Variants in FGD4 observed in about 807,000 individuals in gnomAD.
The protein encoded by FGD4 is FYVE, RhoGEF and PH domain containing 4.
Under a neutral mutation model 102.0 loss-of-function variants are expected in FGD4, and 42 were observed. The observed-to-expected ratio is 0.41, with a 90% CI of 0.32 to 0.53. The LOEUF (loss-of-function observed/expected upper bound fraction) is 0.53. Among genes scored for constraint, FGD4 ranks in the 20% least tolerant of loss-of-function variants. The pLI, the probability that FGD4 is intolerant of heterozygous loss-of-function variation, is 0.21. For missense variants in FGD4, 902 were observed against 1,078.2 expected, an observed-to-expected ratio of 0.84 and a Z score of 2.29; for synonymous variants, 380 against 375.7, an observed-to-expected ratio of 1.01 and a Z score of -0.13.
At chr12:32,575,884 A>G (rs906296712) in intron 2 of FGD4, among the ~76,000 whole-genome samples, 3 of 152,222 alleles carry the variant, frequency 2.0e-5, no homozygotes, top group African/African-American at 7.2e-5. Flanking sequence ...CCTGTTTTGT[A>G]GCAGACAATG....
intron 10 of FGD4, among the ~76,000 whole-genome samples, chr12:32,616,583 T>C (rs1198254140): frequency 6.6e-6 from 1 of 152,254 alleles, no homozygotes; most frequent in African/African-American, 2.4e-5. Flanking sequence ...CTTGTTCTTT[T>C]ACTTGTAGAA....
At chr12:32,564,115 C>T in intron 1 of FGD4, 22 bp from the exon 2 acceptor site, 3 of 1,532,564 alleles carry the variant, frequency 2.0e-6, no homozygotes, top group Non-Finnish European at 2.6e-6. Context: ...CTTACCTGCC[C>T]TTTCTTTCTG....
intron 1 of FGD4, among the ~76,000 whole-genome samples, chr12:32,507,879 G>A (rs889222833): frequency 6.6e-6 from 1 of 152,212 alleles, no homozygotes; most frequent in Admixed American, 6.5e-5. Context: ...AGGGGCATCA[G>A]TAATAATCCC....
chr12:32,473,868 A>C (rs1461483487), intron 1 of FGD4, among the ~76,000 whole-genome samples: 1 of 151,974 alleles, frequency 6.6e-6, no homozygotes, highest in Admixed American at 6.6e-5. Context: ...CGGGCAGATA[A>C]CGAGGTCAGG....
intron 1 of FGD4, among the ~76,000 whole-genome samples, chr12:32,504,940 A>T (rs1384633875): frequency 6.6e-6 from 1 of 152,172 alleles, no homozygotes; most frequent in African/African-American, 2.4e-5. Flanking sequence ...TTTTCATACT[A>T]TGTTTTGTGG....
intron 3 of FGD4, 158 bp from the exon 4 acceptor site, chr12:32,581,802 G>T: frequency 2.7e-6 from 2 of 731,666 alleles, no homozygotes; most frequent in Non-Finnish European, 4.4e-6. Context: ...CAAGAGACTT[G>T]GGTCTACACT....
At position 32,415,414 on chromosome 12, in the gene FGD4, CTTTTTTTTTTTT is replaced by C. The variant is rs34612851; in HGVS notation, c.166+15470_166+15481del. Reference sequence around the variant, plus strand: ...TATTACTGTATTGGGATCTGTCTCTCTTTTTTTTTTTTTTTTTTTTTTTTTTGAGACAGAGTC... The same window carrying C: ...TATTACTGTATTGGGATCTGTCTCTCTTTTTTTTTTTTTTGAGACAGAGTC... On this transcript the variant is annotated intron_variant, in intron 1 of 16. Coordinates refer to ENST00000534526, the MANE Select transcript of FGD4 (RefSeq NM_001370298.3). Among the ~76,000 whole-genome samples the C allele has an allele frequency of 6.7e-5, 6 of 89,610 alleles. No homozygotes were observed. The Admixed American group carries it at 6.8e-4, about 10-fold the overall frequency. The allele number at this position is 89,610 out of a possible 152,430, so 58.8% of individuals were successfully genotyped here. A position where few individuals can be genotyped will look rare whatever the true frequency, so the allele number is the denominator to read the frequency against.
In FGD4 at chr12:32,459,385, G is replaced by C. The variant is rs148985607; in HGVS notation, c.166+59426G>C. On this transcript the variant is annotated intron_variant, in intron 1 of 16. Transcript: ENST00000534526. ...ATTTTTGTATTTTTAGTAGAGATGG[G>C]GTCTTGCCATGTTGGCCAGGCTGGT... Among the ~76,000 whole-genome samples, 926 of 151,916 alleles carry C rather than the reference G, an allele frequency of 6.1e-3. 8 individuals are homozygous for C. Among genetic ancestry groups the C allele is most frequent in the African/African-American group, 0.021 (855 of 41,422 alleles).
At chr12:32,591,006 A>G (rs1947429175) in intron 4 of FGD4, among the ~76,000 whole-genome samples, 1 of 152,216 alleles carries the variant, frequency 6.6e-6, no homozygotes, top group Admixed American at 6.5e-5. Flanking sequence ...GTTTGTGACA[A>G]GACATATAAA....
intron 4 of FGD4, among the ~76,000 whole-genome samples, chr12:32,585,910 G>A (rs1398170833): frequency 6.6e-6 from 1 of 151,814 alleles, no homozygotes; most frequent in East Asian, 1.9e-4. Context: ...CTAGTTGAGG[G>A]CCAGGCTGCT....
chr12:32,629,367 T>TA (rs1565927461), intron 14 of FGD4, among the ~76,000 whole-genome samples: 1 of 152,140 alleles, frequency 6.6e-6, no homozygotes, highest in Non-Finnish European at 1.5e-5. Context: ...GAAATAAAAA[T>TA]AACAGCAGTT....
At chr12:32,638,892 G>T (rs1951003160) in intron 16 of FGD4, 97 bp downstream of exon 16, 1 of 1,586,096 alleles carries the variant, frequency 6.3e-7, no homozygotes, top group Non-Finnish European at 8.6e-7. Flanking sequence ...AAGAGTTCAG[G>T]CAGTTTCACT....
intron 4 of FGD4, among the ~76,000 whole-genome samples, chr12:32,594,902 G>A (rs1487322714): frequency 3.3e-5 from 5 of 151,964 alleles, no homozygotes; most frequent in African/African-American, 9.7e-5. Flanking sequence ...ATGGTGGCAC[G>A]CACGTGTAGT....
Position 32,582,153 on chromosome 12 carries a change from G to T in FGD4, c.697G>T (p.Ala233Ser). 1 of 1,614,236 alleles carries T rather than the reference G, an allele frequency of 6.2e-7. No individual in the cohort carries two copies. Among genetic ancestry groups the T allele is most frequent in the South Asian group, 1.1e-5 (1 of 91,086 alleles). The change falls in exon 4 of 17, where the codon GCA (alanine) becomes TCA (serine). Residue 233 changes from alanine (A) to serine (S), a missense_variant. Coordinates refer to ENST00000534526, the MANE Select transcript of FGD4 (RefSeq NM_001370298.3). ...QTCVANGVMA[A>S]QNQMECEEEK... ...TTGTGTGGCCAACGGTGTAATGGCA[G>T]CACAAAACCAGATGGAATGTGAGGA...
At chr12:32,540,847 G>C (rs948280455) in intron 1 of FGD4, among the ~76,000 whole-genome samples, 33 of 152,146 alleles carry the variant, frequency 2.2e-4, no homozygotes, top group Admixed American at 1.7e-3. Context: ...TTACAGGCAA[G>C]ATTGATGTCT....
intron 1 of FGD4, among the ~76,000 whole-genome samples, chr12:32,560,098 A>G (rs115320785): frequency 9.4e-4 from 143 of 152,296 alleles, no homozygotes; most frequent in African/African-American, 3.4e-3. Context: ...ATCACTGTGA[A>G]AAAGCATCCA....
At chr12:32,600,109 A>G (rs990148912) in intron 5 of FGD4, among the ~76,000 whole-genome samples, 37 of 152,230 alleles carry the variant, frequency 2.4e-4, no homozygotes, top group African/African-American at 8.9e-4. Context: ...CTTTGAAAGA[A>G]TGAGTTTATG....
Position 32,638,743 on chromosome 12 carries a change from G to A in FGD4, c.2402G>A (p.Cys801Tyr), listed in dbSNP as rs749404822. The A allele has an allele frequency of 2.5e-6, 4 of 1,614,072 alleles. No individual in the cohort carries two copies. Among genetic ancestry groups the A allele is most frequent in the Non-Finnish European group, 3.4e-6 (4 of 1,180,034 alleles). ...TCAAAACCTTGGCAGAAAGCTTGGT[G>A]TGTGATCCCCAAGCAAGACCCTCTT... is the stretch of plus-strand genomic sequence containing the variant. The part of the protein sequence containing the change: ...EKSKPWQKAW[C>Y]VIPKQDPLVL... The change falls in exon 16 of 17, where the codon TGT (cysteine) becomes TAT (tyrosine). Residue 801 changes from cysteine to tyrosine, a missense_variant. By Grantham distance (194) the Cys-to-Tyr change is radical (BLOSUM62 -2). Transcript: ENST00000534526.
chr12:32,498,832 A>T (rs1389819898), intron 1 of FGD4, among the ~76,000 whole-genome samples: 1 of 152,046 alleles, frequency 6.6e-6, no homozygotes, highest in African/African-American at 2.4e-5. Context: ...CGAACTCCTG[A>T]CCTCGTGATC....
Sources: gnomAD v4.1 joint callset for allele counts (sites outside exome capture counted in the v4.1 genomes callset) on GRCh38, gnomAD v4.1.1 for gene constraint, MANE v1.5 for transcripts, NCBI Gene and HGNC (gene_info 2026-07-23, HGNC 2026-07-21) for gene names.